Variants in CDH22 observed in about 807,000 individuals in gnomAD.
CDH22 encodes the protein cadherin 22.
Under a neutral mutation model 58.4 loss-of-function variants are expected in CDH22, and 30 were observed. That is an observed-to-expected ratio of 0.51 (90% CI 0.38 to 0.70). The LOEUF (loss-of-function observed/expected upper bound fraction) is 0.70. CDH22 is among the 30% of genes least tolerant of loss of function. CDH22 has a pLI of 0.00. For synonymous variants in CDH22, 513 were observed against 558.2 expected (o/e 0.92, Z 1.14); for missense variants, 1,014 against 1,233.9 (o/e 0.82, Z 2.67).
chr20:46,218,251 T>G (rs1361619799), intron 4 of CDH22, among the ~76,000 whole-genome samples: 1 of 152,154 alleles, frequency 6.6e-6, no homozygotes, highest in Non-Finnish European at 1.5e-5. Context: ...CAAACACACT[T>G]GCTCACACAC....
chr20:46,240,913 C>A (rs1376033049), intron 3 of CDH22, 50 bp downstream of exon 3: 3 of 1,520,998 alleles, frequency 2.0e-6, no homozygotes, highest in Admixed American at 3.6e-5. Flanking sequence ...GCAGGCTCCA[C>A]TTGGGGATCA....
intron 3 of CDH22, 124 bp from the exon 4 acceptor site, chr20:46,227,751 A>C: frequency 1.5e-6 from 2 of 1,376,232 alleles, no homozygotes; most frequent in Non-Finnish European, 2.0e-6. Flanking sequence ...AGGCCATCGA[A>C]TACAGCCCCT....
chr20:46,251,283 C>T lies in CDH22; in HGVS notation c.12G>A (p.Arg4=), dbSNP rs1432860335. The change falls in exon 2 of 12, where the codon AGG becomes AGA. Residue 4 remains arginine, a synonymous_variant. Transcript: ENST00000537909. The surrounding 1 kb of genome is among the most constrained non-coding windows in gnomAD (Gnocchi z 6.7). ...CCGCCCGGAGCCCCCTACCTTCGGG[C>T]CTCGGCCTCATCCTTGGCCTGCGCG... MRP[R]PEGRGLRAGV... is the part of the protein sequence containing the mutation. 4.1e-6 allele frequency: 6 copies of T among 1,458,920 alleles called. No homozygotes were observed. The highest frequency in any genetic ancestry group is 5.4e-6 in the Non-Finnish European group (6 of 1,112,750). 90.4% of individuals were successfully genotyped at this position (1,458,920 alleles called of 1,614,324 possible).
chr20:46,210,251 CG>C lies in CDH22; in HGVS notation c.1286+55del. ...CTCCCCTCTGCCCGCAGTCTGTCCG[CG>C]GGGGTGATGGCGGGATAGCAGGCAG... On this transcript the variant is annotated intron_variant, in intron 7 of 11. Transcript: ENST00000537909. The surrounding 1 kb of genome is among the most constrained non-coding windows in gnomAD (Gnocchi z 4.5). 2 of 1,359,788 alleles carry C rather than the reference CG, an allele frequency of 1.5e-6. No homozygotes were observed. Among genetic ancestry groups the C allele is most frequent in the South Asian group, 3.4e-5 (2 of 59,608 alleles). 84.2% of individuals were successfully genotyped at this position (1,359,788 alleles called of 1,614,324 possible).
chr20:46,291,616 C>A (rs1343287991), intron 1 of CDH22, among the ~76,000 whole-genome samples: 1 of 152,220 alleles, frequency 6.6e-6, no homozygotes, highest in Non-Finnish European at 1.5e-5. Flanking sequence ...GAGATAGGTG[C>A]TCTTGTTACG....
rs570436022 is a variant in CDH22 at position 46,290,861 on chromosome 20, A to G, written c.-400+17394T>C. Among the ~76,000 whole-genome samples, 3 of 152,272 alleles carry G rather than the reference A, an allele frequency of 2.0e-5. No individual in the cohort carries two copies. In the South Asian group the frequency reaches 6.2e-4, roughly 32 times the overall value. On this transcript the variant is annotated intron_variant, in intron 1 of 11. Transcript: ENST00000537909. ...AGGGTCTATGGGGGGTGTGTTTGGA[A>G]GGAAGGCTGGGGGTGTGGCATGGAT...
chr20:46,290,867 G>T (rs1200359584), intron 1 of CDH22, among the ~76,000 whole-genome samples: 1 of 152,146 alleles, frequency 6.6e-6, no homozygotes, highest in Non-Finnish European at 1.5e-5. Flanking sequence ...TGGAAGGAAG[G>T]CTGGGGGTGT....
At chr20:46,264,851 G>A (rs986319278) in intron 1 of CDH22, among the ~76,000 whole-genome samples, 5 of 147,610 alleles carry the variant, frequency 3.4e-5, no homozygotes, top group Non-Finnish European at 7.6e-5. Context: ...CACACACACC[G>A]TGCACACACA....
chr20:46,180,766 C>T (rs547187638), intron 10 of CDH22, among the ~76,000 whole-genome samples: 3 of 152,184 alleles, frequency 2.0e-5, no homozygotes, highest in Non-Finnish European at 4.4e-5. Context: ...CAAGGTCTCA[C>T]TCTGTCACCC....
At position 46,199,420 on chromosome 20, in the gene CDH22, C is replaced by T. The variant is rs746069541; in HGVS notation, c.1423+3G>A. 1 of 1,607,940 alleles carries T rather than the reference C, an allele frequency of 6.2e-7. No individual in the cohort carries two copies. The highest frequency in any genetic ancestry group is 8.5e-7 in the Non-Finnish European group (1 of 1,179,152). On this transcript the variant is annotated splice_donor_region_variant and intron_variant, in intron 8 of 11. Coordinates refer to ENST00000537909, the MANE Select transcript of CDH22 (RefSeq NM_021248.3). ...CTTGGAGGGGGCGTGGCGCCCAGCT[C>T]ACCCGCCTCCATGGCCAGCACTGTG...
At chr20:46,288,281 C>G (rs1322976482) in intron 1 of CDH22, among the ~76,000 whole-genome samples, 1 of 152,102 alleles carries the variant, frequency 6.6e-6, no homozygotes. Context: ...TGGTCTCTCT[C>G]CCCTATGTGT....
intron 2 of CDH22, among the ~76,000 whole-genome samples, chr20:46,247,819 ACTT>A (rs2086341949): frequency 6.6e-6 from 1 of 152,176 alleles, no homozygotes; most frequent in South Asian, 2.1e-4. Context: ...AGAGATGGAA[ACTT>A]CTTCTCCCTC....
chr20:46,242,536 A>G (rs2086299001), intron 2 of CDH22, among the ~76,000 whole-genome samples: 1 of 152,234 alleles, frequency 6.6e-6, no homozygotes, highest in Non-Finnish European at 1.5e-5. Context: ...AGCAGGTGCC[A>G]CCAAGTGACA....
chr20:46,185,064 C>G (rs2085814639), intron 10 of CDH22, among the ~76,000 whole-genome samples: 1 of 150,072 alleles, frequency 6.7e-6, no homozygotes, highest in Non-Finnish European at 1.5e-5. Flanking sequence ...CCAGCCTGGG[C>G]AACAGAATGA....
Position 46,201,214 on chromosome 20 carries a change from G to A in CDH22, c.1287-1655C>T, listed in dbSNP as rs563083427. 5.9e-5 allele frequency among the ~76,000 whole-genome samples: 9 copies of A among 152,342 alleles called. No homozygotes were observed. The East Asian group carries it at 1.5e-3, about 26-fold the overall frequency. ...CAAGCAAGCGCTCATTGTGCGCCAG[G>A]ACAAAGCAGCCTGGTAAGGAGGGGC... is the stretch of plus-strand genomic sequence containing the variant. On this transcript the variant is annotated intron_variant, in intron 7 of 11. Coordinates refer to ENST00000537909, the MANE Select transcript of CDH22 (RefSeq NM_021248.3).
intron 3 of CDH22, among the ~76,000 whole-genome samples, chr20:46,232,544 C>T (rs1481123759): frequency 1.3e-5 from 2 of 152,224 alleles, no homozygotes; most frequent in East Asian, 3.8e-4. Flanking sequence ...TTATTATCAT[C>T]CTGCCTCTTC....
At chr20:46,280,881 G>A (rs1175037224) in intron 1 of CDH22, among the ~76,000 whole-genome samples, 2 of 152,222 alleles carry the variant, frequency 1.3e-5, no homozygotes, top group Non-Finnish European at 2.9e-5. Context: ...ATAATTCTAG[G>A]CAGTGTCTGG....
intron 5 of CDH22, among the ~76,000 whole-genome samples, chr20:46,213,622 T>G (rs1353234018): frequency 6.6e-6 from 1 of 152,206 alleles, no homozygotes; most frequent in East Asian, 1.9e-4. Context: ...GCAACTAACT[T>G]AGATGATGAC....
At position 46,241,142 on chromosome 20, in the gene CDH22, C is replaced by T. The variant is rs757721071; in HGVS notation, c.371G>A (p.Arg124His). Residue 124 changes from arginine to histidine, a missense_variant, in exon 3 of 12, where the codon CGC (arginine) becomes CAC (histidine). Transcript: ENST00000537909. The surrounding 1 kb of genome is among the most constrained non-coding windows in gnomAD (Gnocchi z 5.2). ...ELTGDIHAME[R>H]LDREQKTFYT... Reference sequence around the variant, plus strand: ...GAAGGTTTTCTGCTCGCGGTCCAGGCGCTCCATGGCATGAATGTCGCCTGT... The same window carrying T: ...GAAGGTTTTCTGCTCGCGGTCCAGGTGCTCCATGGCATGAATGTCGCCTGT... 3.7e-6 allele frequency: 6 copies of T among 1,614,070 alleles called. No individual in the cohort carries two copies. The highest frequency in any genetic ancestry group is 3.4e-6 in the Non-Finnish European group (4 of 1,180,002).
Sources: gnomAD v4.1 joint callset for allele counts (sites outside exome capture counted in the v4.1 genomes callset) on GRCh38, gnomAD v4.1.1 for gene constraint, Gnocchi (gnomAD v3.1) non-coding constraint, MANE v1.5 for transcripts, NCBI Gene and HGNC (gene_info 2026-07-23, HGNC 2026-07-21) for gene names.